CDC42BPA: variants seen among roughly 807,000 people sequenced by gnomAD.
CDC42BPA encodes CDC42 binding protein kinase alpha, also known as serine/threonine-protein kinase MRCK alpha.
In CDC42BPA, 80 loss-of-function variants were observed where a neutral mutation model predicts 223.5. That is an observed-to-expected ratio of 0.36 (90% CI 0.30 to 0.43). The LOEUF is 0.43. Ranked by LOEUF, CDC42BPA falls within the 20% of genes least tolerant of loss-of-function variation. The pLI is 1.00. For synonymous variants in CDC42BPA, 694 were observed against 718.6 expected, an observed-to-expected ratio of 0.97 and a Z score of 0.55; for missense variants, 1,743 against 2,099.9, an observed-to-expected ratio of 0.83 and a Z score of 3.32.
chr1:227,278,033 G>C (rs2148540463), intron 1 of CDC42BPA, among the ~76,000 whole-genome samples: 1 of 152,332 alleles, frequency 6.6e-6, no homozygotes, highest in South Asian at 2.1e-4. Flanking sequence ...ACAGGCGTGA[G>C]CCACCGCACC....
chr1:227,077,917 G>T (rs913117067), intron 17 of CDC42BPA, among the ~76,000 whole-genome samples: 1 of 151,990 alleles, frequency 6.6e-6, no homozygotes, highest in African/African-American at 2.4e-5. Context: ...AATGTCTCCT[G>T]CATTTGTTCA....
chr1:227,201,808 C>A (rs1229635272), intron 3 of CDC42BPA, among the ~76,000 whole-genome samples: 1 of 148,440 alleles, frequency 6.7e-6, no homozygotes, highest in Admixed American at 6.8e-5. Flanking sequence ...TGAATTTGAA[C>A]ATCCTTCCGT....
chr1:227,187,423 G>T (rs1326891385), intron 5 of CDC42BPA, among the ~76,000 whole-genome samples: 3 of 147,126 alleles, frequency 2.0e-5, no homozygotes, highest in African/African-American at 7.5e-5. Flanking sequence ...ACTTAGAAAA[G>T]AATCTCTGAG....
chr1:227,210,634 T>C (rs544379410), intron 3 of CDC42BPA, among the ~76,000 whole-genome samples: 1 of 152,342 alleles, frequency 6.6e-6, no homozygotes, highest in East Asian at 1.9e-4. Flanking sequence ...TTCACAATTC[T>C]TCCCCAACAT....
intron 2 of CDC42BPA, among the ~76,000 whole-genome samples, chr1:227,215,807 T>C (rs1023207668): frequency 1.3e-5 from 2 of 152,236 alleles, no homozygotes; most frequent in African/African-American, 4.8e-5. Context: ...TCTAACTTTC[T>C]GTAATTTTAG....
intron 1 of CDC42BPA, among the ~76,000 whole-genome samples, chr1:227,261,124 C>CTTTCTTTTTTTTT (rs386417862): frequency 4.1e-5 from 5 of 121,020 alleles, no homozygotes; most frequent in African/African-American, 6.4e-5. Flanking sequence ...TTGAGTTTTT[C>CTTTCTTTTTTTTT]TTTTTTTTTG....
intron 16 of CDC42BPA, among the ~76,000 whole-genome samples, chr1:227,085,359 T>C (rs1260401750): frequency 6.6e-6 from 1 of 152,230 alleles, no homozygotes; most frequent in Admixed American, 6.5e-5. Flanking sequence ...CATCGTCATC[T>C]TCTTTTTAAA....
At chr1:227,222,327 G>A (rs1181317087) in intron 2 of CDC42BPA, among the ~76,000 whole-genome samples, 1 of 152,048 alleles carries the variant, frequency 6.6e-6, no homozygotes, top group Non-Finnish European at 1.5e-5. Context: ...TGGCCAACTT[G>A]ATGAAACCCC....
intron 34 of CDC42BPA, among the ~76,000 whole-genome samples, chr1:227,006,949 T>TCAACAACAA (rs58305329): frequency 0.016 from 2,419 of 148,118 alleles, 49 homozygotes; most frequent in East Asian, 0.071. Flanking sequence ...AGACTCCGTC[T>TCAACAACAA]CAACAACAAC....
intron 32 of CDC42BPA, among the ~76,000 whole-genome samples, chr1:227,018,032 A>AAATT (rs1553299733): frequency 6.9e-6 from 1 of 145,106 alleles, no homozygotes; most frequent in Non-Finnish European, 1.5e-5. Context: ...TTAAAAATAG[A>AAATT]ATTATTATTA....
At chr1:227,282,510 C>T (rs1051095168) in intron 1 of CDC42BPA, among the ~76,000 whole-genome samples, 1 of 152,210 alleles carries the variant, frequency 6.6e-6, no homozygotes, top group Non-Finnish European at 1.5e-5. Flanking sequence ...CTCTAGCACA[C>T]ACTGCAGCAG....
intron 7 of CDC42BPA, among the ~76,000 whole-genome samples, 186 bp from the exon 8 acceptor site, chr1:227,145,923 T>C (rs1660623191): frequency 6.6e-6 from 1 of 152,144 alleles, no homozygotes; most frequent in African/African-American, 2.4e-5. Flanking sequence ...CCTAGGACTT[T>C]TAATTTCATA....
At chr1:227,302,878 T>C (rs1691887416) in intron 1 of CDC42BPA, among the ~76,000 whole-genome samples, 1 of 151,356 alleles carries the variant, frequency 6.6e-6, no homozygotes, top group African/African-American at 2.5e-5. Context: ...ATTTTAGCTA[T>C]CATAATAATT....
In CDC42BPA at chr1:227,139,709, C is replaced by A; in HGVS notation, c.1257G>T (p.Thr419=). 3.1e-6 allele frequency: 5 copies of A among 1,595,794 alleles called. No individual in the cohort carries two copies. The highest frequency in any genetic ancestry group is 4.3e-6 in the Non-Finnish European group (5 of 1,173,178). Residue 419 remains threonine (T), a synonymous_variant, in exon 10 of 37, where the codon ACG becomes ACT. Coordinates refer to ENST00000366766, the MANE Select transcript of CDC42BPA (RefSeq NM_001394014.1). ...CAAGATCCAGTGAGGTGGGACCAGCCGTAACTCTTAAACAGCTCCGATCAG... is the reference window on the plus strand; with the variant it reads ...CAAGATCCAGTGAGGTGGGACCAGCAGTAACTCTTAAACAGCTCCGATCAG... ...VLSDRSCLRV[T]AGPTSLDLDV...
intron 3 of CDC42BPA, among the ~76,000 whole-genome samples, chr1:227,202,962 A>C (rs985510188): frequency 5.3e-5 from 8 of 152,062 alleles, no homozygotes; most frequent in African/African-American, 1.9e-4. Context: ...AAAATAAACA[A>C]TATAAACTCT....
At chr1:227,179,161 T>C (rs1229854274) in intron 5 of CDC42BPA, among the ~76,000 whole-genome samples, 1 of 152,188 alleles carries the variant, frequency 6.6e-6, no homozygotes, top group Non-Finnish European at 1.5e-5. Flanking sequence ...TAATGGTTGC[T>C]TAAGGCTGGG....
At position 227,035,407 on chromosome 1, in the gene CDC42BPA, A is replaced by T. The variant is rs181107561; in HGVS notation, c.3336+64T>A. Reference sequence around the variant, plus strand: ...AGAACTATCCTCTTAAACTAACTGGATTTGATTTTAATTCATTAATAAATC... The same window carrying T: ...AGAACTATCCTCTTAAACTAACTGGTTTTGATTTTAATTCATTAATAAATC... On this transcript the variant is annotated intron_variant, in intron 25 of 36. Coordinates refer to ENST00000366766, the MANE Select transcript of CDC42BPA (RefSeq NM_001394014.1). The T allele has an allele frequency of 1.3e-4, 168 of 1,257,390 alleles. No homozygotes were observed. The East Asian group carries it at 3.4e-3, about 25-fold the overall frequency. 77.9% of individuals were successfully genotyped at this position (1,257,390 alleles called of 1,614,324 possible).
intron 2 of CDC42BPA, among the ~76,000 whole-genome samples, chr1:227,238,302 G>T (rs1294376724): frequency 6.6e-6 from 1 of 151,596 alleles, no homozygotes; most frequent in Non-Finnish European, 1.5e-5. Context: ...AGGCTACAGT[G>T]AGCTATGATG....
chr1:227,230,812 C>CTTTTTTTTTTTTTTTTTT lies in CDC42BPA; in HGVS notation c.271-17594_271-17593insAAAAAAAAAAAAAAAAAA, dbSNP rs1309498246. On this transcript the variant is annotated intron_variant, in intron 2 of 36. Transcript: ENST00000366766. ...GCTAACTGATTTCTATTTCTTTTTTCTTTCTTTCTTTTTTTTTTTTTTTTT... is the reference window on the plus strand; with the variant it reads ...GCTAACTGATTTCTATTTCTTTTTTCTTTTTTTTTTTTTTTTTTTTTCTTTCTTTTTTTTTTTTTTTTT... Among the ~76,000 whole-genome samples the CTTTTTTTTTTTTTTTTTT allele has an allele frequency of 6.3e-5, 7 of 111,758 alleles. 1 individual carries two copies. Among genetic ancestry groups the CTTTTTTTTTTTTTTTTTT allele is most frequent in the Non-Finnish European group, 1.3e-4 (7 of 53,698 alleles). The allele number at this position is 111,758 out of a possible 152,430, so 73.3% of individuals were successfully genotyped here.
Sources: gnomAD v4.1 joint callset for allele counts (sites outside exome capture counted in the v4.1 genomes callset) on GRCh38, gnomAD v4.1.1 for gene constraint, MANE v1.5 for transcripts, NCBI Gene and HGNC (gene_info 2026-07-23, HGNC 2026-07-21) for gene names.